Variants in SASH1 observed in about 807,000 individuals in gnomAD.
SASH1 encodes SAM and SH3 domain-containing protein 1.
In SASH1, 44 loss-of-function variants were observed where a neutral mutation model predicts 125.2. That is an observed-to-expected ratio of 0.35 (90% CI 0.28 to 0.45). SASH1 has a LOEUF of 0.45. Ranked by LOEUF, SASH1 falls within the 20% of genes least tolerant of loss-of-function variation. SASH1 has a pLI of 1.00. For missense variants in SASH1, 1,426 were observed against 1,614.5 expected (o/e 0.88, Z 2.00); for synonymous variants, 639 against 649.1 (o/e 0.98, Z 0.24).
intron 2 of SASH1, among the ~76,000 whole-genome samples, chr6:148,405,185 CT>C (rs2114884443): frequency 6.6e-6 from 1 of 152,102 alleles, no homozygotes; most frequent in South Asian, 2.1e-4. Context: ...TTTCTTAGGC[CT>C]GTCTCCTAGC....
intron 2 of SASH1, among the ~76,000 whole-genome samples, chr6:148,435,601 C>T (rs1043251948): frequency 2.0e-4 from 30 of 152,030 alleles, no homozygotes; most frequent in African/African-American, 4.3e-4. Context: ...GGTTGAGCCA[C>T]GTGCTCAAGA....
rs764633915 is a variant in SASH1 at position 148,343,100 on chromosome 6, G to GGAGCCT, written c.39_44dup (p.Glu22_Pro23dup). ...ACGCGGGAGCAGCTGGCCCGGGGCC[G>GGAGCCT]GAGCCTGAGCCCGAGCCCGAGCCGG... On this transcript the variant is annotated inframe_insertion, in exon 1 of 20. Coordinates refer to ENST00000367467, the MANE Select transcript of SASH1 (RefSeq NM_015278.5). The GGAGCCT allele has an allele frequency of 2.8e-6, 4 of 1,449,916 alleles. No homozygotes were observed. Among genetic ancestry groups the GGAGCCT allele is most frequent in the Non-Finnish European group, 3.7e-6 (4 of 1,069,884 alleles). The allele number at this position is 1,449,916 out of a possible 1,614,324, so 89.8% of individuals were successfully genotyped here.
At chr6:148,427,078 G>A (rs919273448) in intron 2 of SASH1, among the ~76,000 whole-genome samples, 3 of 152,126 alleles carry the variant, frequency 2.0e-5, no homozygotes, top group Non-Finnish European at 4.4e-5. Flanking sequence ...GGAGGCAGAG[G>A]TTGCAGTGAG....
At chr6:148,307,200 C>A (rs936993887) in intron 1 of SASH1, among the ~76,000 whole-genome samples, 2 of 151,788 alleles carry the variant, frequency 1.3e-5, no homozygotes, top group Non-Finnish European at 2.9e-5. Context: ...CTCACTGCAA[C>A]CTCCGCCTCC....
At chr6:148,385,940 G>A (rs1031588064) in intron 1 of SASH1, among the ~76,000 whole-genome samples, 7 of 152,208 alleles carry the variant, frequency 4.6e-5, no homozygotes, top group African/African-American at 1.7e-4. Context: ...AATTAATTGA[G>A]CCCCAAAAGG....
chr6:148,329,761 G>T (rs1780936930), intron 1 of SASH1, among the ~76,000 whole-genome samples: 1 of 152,162 alleles, frequency 6.6e-6, no homozygotes, highest in Non-Finnish European at 1.5e-5. Flanking sequence ...ATTTGGTAAG[G>T]AGAAGAGTTA....
At chr6:148,388,997 T>G (rs1431855012) in intron 1 of SASH1, among the ~76,000 whole-genome samples, 1 of 151,968 alleles carries the variant, frequency 6.6e-6, no homozygotes, top group African/African-American at 2.4e-5. Flanking sequence ...GAGGTCTTTC[T>G]GAATGAATTG....
chr6:148,299,671 G>GAAAAAAAAAAAAAAAA (rs57758957), intron 1 of SASH1, among the ~76,000 whole-genome samples: 1 of 114,978 alleles, frequency 8.7e-6, no homozygotes. Flanking sequence ...CACCTCAAAA[G>GAAAAAAAAAAAAAAAA]AAAAAAAAAA....
At chr6:148,275,191 T>C (rs1562300981) in intron 1 of SASH1, among the ~76,000 whole-genome samples, 1 of 152,236 alleles carries the variant, frequency 6.6e-6, no homozygotes, top group Non-Finnish European at 1.5e-5. Flanking sequence ...TGCGTCATAT[T>C]GTTTAATGGC....
chr6:148,536,048 G>C (rs1368361131), intron 16 of SASH1, among the ~76,000 whole-genome samples: 1 of 152,130 alleles, frequency 6.6e-6, no homozygotes, highest in Non-Finnish European at 1.5e-5. Flanking sequence ...AGATAAACAG[G>C]CTGCCTTTAG....
In SASH1 at chr6:148,514,554, C is replaced by T. The variant is rs201704199; in HGVS notation, c.862+98C>T. The T allele has an allele frequency of 2.5e-5, 26 of 1,020,898 alleles. 1 individual carries two copies. The highest frequency in any genetic ancestry group is 1.2e-4 in the African/African-American group (6 of 50,836). 63.2% of individuals were successfully genotyped at this position (1,020,898 alleles called of 1,614,324 possible). A position where few individuals can be genotyped will look rare whatever the true frequency, so the allele number is the denominator to read the frequency against. ...TCAGTTTCTCAGCAGAAAAGGGATA[C>T]GATTTCAAGTGGAAAATGCATTGAG... On this transcript the variant is annotated intron_variant, in intron 9 of 19. Transcript: ENST00000367467.
At chr6:148,376,252 A>G (rs1782887178) in intron 1 of SASH1, among the ~76,000 whole-genome samples, 1 of 152,026 alleles carries the variant, frequency 6.6e-6, no homozygotes, top group Admixed American at 6.6e-5. Context: ...TATTTTTACT[A>G]GAGATGGGGT....
chr6:148,356,494 C>CTTTTTTTT (rs57183555), intron 1 of SASH1, among the ~76,000 whole-genome samples: 10,517 of 113,794 alleles, frequency 0.092, 934 homozygotes, highest in African/African-American at 0.13. Context: ...ACTTTTAGTT[C>CTTTTTTTT]TTTTTTTTTT....
chr6:148,424,268 C>G (rs368992853), intron 2 of SASH1, among the ~76,000 whole-genome samples: 1 of 150,432 alleles, frequency 6.6e-6, no homozygotes, highest in Non-Finnish European at 1.5e-5. Context: ...GGGACAGGGT[C>G]TCGCTCTGTC....
At chr6:148,509,881 A>T (rs1010494873) in intron 8 of SASH1, among the ~76,000 whole-genome samples, 2 of 152,236 alleles carry the variant, frequency 1.3e-5, no homozygotes, top group Non-Finnish European at 2.9e-5. Flanking sequence ...TGTCTTTCCT[A>T]TTAGAACATT....
chr6:148,502,634 G>A (rs1779604249), intron 8 of SASH1, among the ~76,000 whole-genome samples: 1 of 152,236 alleles, frequency 6.6e-6, no homozygotes, highest in African/African-American at 2.4e-5. Flanking sequence ...AATCAAGCTT[G>A]GGGAAGAGGA....
chr6:148,446,432 G>A (rs1776798822), intron 4 of SASH1, among the ~76,000 whole-genome samples: 1 of 152,032 alleles, frequency 6.6e-6, no homozygotes, highest in African/African-American at 2.4e-5. Flanking sequence ...AAGGAAAGAG[G>A]GTGAATAGAC....
the SASH1 span, among the ~76,000 whole-genome samples, chr6:148,256,959 T>G: frequency 2.0e-5 from 3 of 152,150 alleles, no homozygotes; most frequent in African/African-American, 4.8e-5. Context: ...GGAGGCTTTT[T>G]TTGCATAATA....
At chr6:148,319,593 C>T (rs1257781928) in intron 1 of SASH1, among the ~76,000 whole-genome samples, 1 of 151,886 alleles carries the variant, frequency 6.6e-6, no homozygotes, top group Non-Finnish European at 1.5e-5. Flanking sequence ...CTCGGCTCAC[C>T]ACAACCTCCC....
Sources: gnomAD v4.1 joint callset for allele counts (sites outside exome capture counted in the v4.1 genomes callset) on GRCh38, gnomAD v4.1.1 for gene constraint, MANE v1.5 for transcripts, NCBI Gene and HGNC (gene_info 2026-07-23, HGNC 2026-07-21) for gene names.